Variants in SASH1 observed in about 807,000 individuals in gnomAD.
The protein encoded by SASH1 is SAM and SH3 domain containing 1.
A neutral mutation model predicts 125.2 loss-of-function variants in SASH1; 44 were observed. The observed-to-expected ratio is 0.35, with a 90% CI of 0.28 to 0.45. The LOEUF (loss-of-function observed/expected upper bound fraction) is 0.45. SASH1 is among the 20% of genes least tolerant of loss of function. The pLI, the probability that SASH1 is intolerant of heterozygous loss-of-function variation, is 1.00. For missense variants in SASH1, 1,426 were observed against 1,614.5 expected, an observed-to-expected ratio of 0.88 and a Z score of 2.00; for synonymous variants, 639 against 649.1, an observed-to-expected ratio of 0.98 and a Z score of 0.24.
intron 8 of SASH1, chr6:148,512,503 C>A (rs1175217798): frequency 2.0e-6 from 2 of 985,092 alleles, no homozygotes; most frequent in African/African-American, 3.5e-5. Flanking sequence ...GAGGGTTAAC[C>A]AAGTTCTCAT....
At chr6:148,257,998 C>G in the SASH1 span, among the ~76,000 whole-genome samples, 1 of 152,122 alleles carries the variant, frequency 6.6e-6, no homozygotes, top group Admixed American at 6.5e-5. Flanking sequence ...ACTTTTATAC[C>G]TGCACTCCCA....
At chr6:148,432,395 C>G (rs1012342535) in intron 2 of SASH1, among the ~76,000 whole-genome samples, 2 of 152,148 alleles carry the variant, frequency 1.3e-5, no homozygotes, top group African/African-American at 2.4e-5. Flanking sequence ...CTGGGAGATA[C>G]CACAACTCTA....
At chr6:148,400,958 G>C (rs1199156993) in intron 2 of SASH1, among the ~76,000 whole-genome samples, 1 of 151,736 alleles carries the variant, frequency 6.6e-6, no homozygotes, top group Non-Finnish European at 1.5e-5. Context: ...AATTTGTTTG[G>C]TGTTGGCCAG....
chr6:148,514,888 T>TAATA (rs1419258409), intron 9 of SASH1, among the ~76,000 whole-genome samples: 1 of 152,224 alleles, frequency 6.6e-6, no homozygotes, highest in African/African-American at 2.4e-5. Flanking sequence ...TCAAGGCACC[T>TAATA]AATATCCCTT....
intron 6 of SASH1, 94 bp downstream of exon 6, chr6:148,471,597 GT>G: frequency 1.3e-6 from 1 of 757,222 alleles, no homozygotes; most frequent in Non-Finnish European, 2.3e-6. Context: ...ATAAGTTAGC[GT>G]AACTCACCGC....
At position 148,390,154 on chromosome 6, in the gene SASH1, C is replaced by T; in HGVS notation, c.177C>T (p.Ile59=). The T allele has an allele frequency of 4.3e-6, 7 of 1,613,378 alleles. No homozygotes were observed. The highest frequency in any genetic ancestry group is 1.1e-5 in the South Asian group (1 of 91,042). Residue 59 remains isoleucine, a synonymous_variant, in exon 2 of 20, where the codon ATC becomes ATT. Coordinates refer to ENST00000367467, the MANE Select transcript of SASH1 (RefSeq NM_015278.5). ...TTCAGGACGGTTCACTGGGAAACAT[C>T]GATGACCTGGCGCAGCAGTATGCAG... is the stretch of plus-strand genomic sequence containing the variant. ...MGILDGSLGN[I]DDLAQQYADY...
intron 1 of SASH1, among the ~76,000 whole-genome samples, chr6:148,308,425 C>T (rs568542415): frequency 4.9e-5 from 7 of 144,110 alleles, no homozygotes; most frequent in Non-Finnish European, 1.1e-4. Context: ...GATGGAGTTT[C>T]ACTCTGGTTG....
chr6:148,474,036 C>A, intron 6 of SASH1, 74 bp from the exon 7 acceptor site: 1 of 896,228 alleles, frequency 1.1e-6, no homozygotes, highest in Non-Finnish European at 1.8e-6. Flanking sequence ...CCCGAGACAG[C>A]AGATGTTCCG....
intron 4 of SASH1, among the ~76,000 whole-genome samples, chr6:148,454,136 G>A (rs564291022): frequency 5.3e-5 from 8 of 152,236 alleles, no homozygotes; most frequent in East Asian, 3.9e-4. Flanking sequence ...TCAGCTTCGC[G>A]GGTGCAGAGG....
chr6:148,346,098 T>C (rs1368761986), intron 1 of SASH1, among the ~76,000 whole-genome samples: 2 of 152,220 alleles, frequency 1.3e-5, no homozygotes, highest in African/African-American at 2.4e-5. Flanking sequence ...ACACAGCTTA[T>C]CAATACTGTA....
At chr6:148,230,520 A>T in the SASH1 span, among the ~76,000 whole-genome samples, 1 of 152,098 alleles carries the variant, frequency 6.6e-6, no homozygotes, top group Non-Finnish European at 1.5e-5. Flanking sequence ...TCTTAGGTAT[A>T]CATCTAGGCC....
intron 1 of SASH1, among the ~76,000 whole-genome samples, chr6:148,380,664 A>G (rs1783093595): frequency 6.6e-6 from 1 of 152,224 alleles, no homozygotes; most frequent in Non-Finnish European, 1.5e-5. Context: ...TGTACTTTCT[A>G]AAAACCAATG....
the SASH1 span, among the ~76,000 whole-genome samples, chr6:148,252,327 C>T: frequency 6.6e-6 from 1 of 152,070 alleles, no homozygotes; most frequent in African/African-American, 2.4e-5. Flanking sequence ...CAAGCGAATT[C>T]TGATTACGGT....
At chr6:148,268,912 T>C (rs1778998448), upstream of SASH1, among the ~76,000 whole-genome samples, 2 of 152,232 alleles carry the variant, frequency 1.3e-5, no homozygotes, top group East Asian at 1.9e-4. Flanking sequence ...AGATAAGGCA[T>C]TGGGGAATAA....
At chr6:148,508,789 G>C (rs1779948023) in intron 8 of SASH1, 1 of 1,205,938 alleles carries the variant, frequency 8.3e-7, no homozygotes, top group Non-Finnish European at 1.1e-6. Context: ...GATGCTACAA[G>C]AGTGAAGACG....
intron 17 of SASH1, 101 bp downstream of exon 17, chr6:148,540,657 C>T (rs986616000): frequency 2.3e-6 from 2 of 862,264 alleles, no homozygotes; most frequent in South Asian, 1.5e-5. Context: ...ATGAACTCAG[C>T]AATCATCGTT....
intron 2 of SASH1, among the ~76,000 whole-genome samples, chr6:148,432,739 A>G (rs1326628083): frequency 6.6e-6 from 1 of 152,204 alleles, no homozygotes; most frequent in African/African-American, 2.4e-5. Flanking sequence ...GGCAGCATTA[A>G]GGGAGGAGGA....
Position 148,514,350 on chromosome 6 carries a change from T to C in SASH1, c.756T>C (p.Thr252=). The change falls in exon 9 of 20, where the codon ACT becomes ACC. Residue 252 remains threonine, a synonymous_variant. Coordinates refer to ENST00000367467, the MANE Select transcript of SASH1 (RefSeq NM_015278.5). ...CAAGAGAACAATCGGATGATGAGACTGAGGAGTCGGTGAAGTTTAAGAGGT... is the reference window on the plus strand; with the variant it reads ...CAAGAGAACAATCGGATGATGAGACCGAGGAGTCGGTGAAGTTTAAGAGGT... The part of the protein sequence containing the change: ...CNSREQSDDE[T]EESVKFKRLH... 1 of 1,608,684 alleles carries C rather than the reference T, an allele frequency of 6.2e-7. No individual in the cohort carries two copies. The highest frequency in any genetic ancestry group is 8.5e-7 in the Non-Finnish European group (1 of 1,178,890).
intron 11 of SASH1, among the ~76,000 whole-genome samples, chr6:148,526,264 A>T (rs1781155670): frequency 6.6e-6 from 1 of 151,912 alleles, no homozygotes; most frequent in Non-Finnish European, 1.5e-5. Context: ...GGGTTTCTCC[A>T]TGTTGGCCAG....
Sources: gnomAD v4.1 joint callset for allele counts (sites outside exome capture counted in the v4.1 genomes callset) on GRCh38, gnomAD v4.1.1 for gene constraint, MANE v1.5 for transcripts, NCBI Gene and HGNC (gene_info 2026-07-23, HGNC 2026-07-21) for gene names.